The following SRP68 variants were observed in gnomAD, a reference collection of about 807,000 sequenced individuals.
SRP68 encodes signal recognition particle subunit SRP68.
SRP68 carries 15 observed loss-of-function variants against 82.2 expected under a neutral mutation model. The observed-to-expected ratio is 0.18, with a 90% CI of 0.12 to 0.28. The LOEUF is 0.28. Ranked by LOEUF, SRP68 falls within the 10% of genes least tolerant of loss-of-function variation. The pLI, the probability that SRP68 is intolerant of heterozygous loss-of-function variation, is 1.00. For synonymous variants in SRP68, 261 were observed against 292.6 expected (o/e 0.89, Z 1.10); for missense variants, 595 against 780.5 (o/e 0.76, Z 2.83).
intron 4 of SRP68, among the ~76,000 whole-genome samples, chr17:76,061,942 C>T (rs941809171): frequency 2.6e-5 from 4 of 151,654 alleles, no homozygotes; most frequent in African/African-American, 4.8e-5. Flanking sequence ...AGTTCAAGAT[C>T]GGCCTGGGCA....
chr17:76,063,456 C>A (rs758129255), intron 4 of SRP68, among the ~76,000 whole-genome samples: 31 of 152,224 alleles, frequency 2.0e-4, no homozygotes, highest in Middle Eastern at 3.4e-3. Context: ...GAGGTCAAGG[C>A]AGGTGGGTGG....
chr17:76,046,303 G>A, intron 10 of SRP68, 109 bp from the exon 11 acceptor site: 10 of 1,272,354 alleles, frequency 7.9e-6, no homozygotes, highest in Non-Finnish European at 1.0e-5. Context: ...GCGGGTGGGG[G>A]CGTGGCCACA....
intron 10 of SRP68, among the ~76,000 whole-genome samples, chr17:76,046,992 C>T (rs1354028996): frequency 6.6e-6 from 1 of 152,106 alleles, no homozygotes; most frequent in Non-Finnish European, 1.5e-5. Flanking sequence ...CCTCTGGTCC[C>T]AGCTACTCAG....
In SRP68 at chr17:76,046,026, C is replaced by T; in HGVS notation, c.1299+12G>A. On this transcript the variant is annotated intron_variant, in intron 11 of 15. Transcript: ENST00000307877. ...ACCACAGGCCCTTGCCTTCCCGGTC[C>T]TCAAGGGTCACCTGTAAGATGATGT... 6.2e-7 allele frequency: 1 copy of T among 1,613,654 alleles called. No homozygotes were observed. Among genetic ancestry groups the T allele is most frequent in the Non-Finnish European group, 8.5e-7 (1 of 1,179,836 alleles).
intron 10 of SRP68, among the ~76,000 whole-genome samples, 185 bp downstream of exon 10, chr17:76,047,721 T>C (rs111611056): frequency 2.7e-3 from 414 of 151,426 alleles, no homozygotes; most frequent in African/African-American, 9.8e-3. Flanking sequence ...CCCAGGCCAT[T>C]GAGGCTGCAG....
At chr17:76,042,342 G>A (rs1391042897) in intron 13 of SRP68, among the ~76,000 whole-genome samples, 3 of 151,794 alleles carry the variant, frequency 2.0e-5, no homozygotes, top group South Asian at 2.1e-4. Context: ...AGTGGCTCAC[G>A]CCTGTAATCC....
intron 2 of SRP68, among the ~76,000 whole-genome samples, 149 bp downstream of exon 2, chr17:76,070,222 CAAAAAAA>C (rs386386662): frequency 2.1e-5 from 2 of 95,514 alleles, no homozygotes; most frequent in Non-Finnish European, 4.2e-5. Context: ...GACTCCATCT[CAAAAAAA>C]AAAAAAAAAA....
intron 8 of SRP68, 129 bp from the exon 9 acceptor site, chr17:76,050,655 C>G: frequency 1.6e-6 from 1 of 618,708 alleles, no homozygotes. Context: ...CACCAGATAT[C>G]ATTTTAATTG....
chr17:76,046,121 G>C lies in SRP68; in HGVS notation c.1216C>G (p.Leu406Val). 6 of 1,613,976 alleles carry C rather than the reference G, an allele frequency of 3.7e-6. No individual in the cohort carries two copies. In the African/African-American group the frequency reaches 5.3e-5, roughly 14 times the overall value. Residue 406 changes from leucine (L) to valine (V), a missense_variant, in exon 11 of 16, where the codon CTG (leucine) becomes GTG (valine). By Grantham distance (32) the Leu-to-Val change is conservative. Around this residue, in one of 2 missense-constraint regions of SRP68, gnomAD observed 495 missense variants for 688.6 expected, o/e 0.72. Coordinates refer to ENST00000307877, the MANE Select transcript of SRP68 (RefSeq NM_014230.4). ...ENMAKGLQRALLQQQPEDDSK... is the reference protein window; with the variant it reads ...ENMAKGLQRAVLQQQPEDDSK... ...TCATCCTCTGGCTGCTGCTGCAGCA[G>C]AGCCCTCTGCAGACCTTTGGCCATG...
Position 76,072,505 on chromosome 17 carries a change from C to G in SRP68, c.-14G>C. The G allele has an allele frequency of 6.3e-7, 1 of 1,580,586 alleles. No homozygotes were observed. The highest frequency in any genetic ancestry group is 8.5e-7 in the Non-Finnish European group (1 of 1,172,552). On this transcript the variant is annotated 5_prime_UTR_variant, in exon 1 of 16. Transcript: ENST00000307877. This position sits in a 1 kb window ranked among gnomAD's most constrained non-coding sequence, Gnocchi z 4.5. ...CTCAGCAGCCATCTTGCCCCTGCGCCGCAGAGCAAGACGGGATAGGGGAGG... is the reference window on the plus strand; with the variant it reads ...CTCAGCAGCCATCTTGCCCCTGCGCGGCAGAGCAAGACGGGATAGGGGAGG...
At chr17:76,045,258 G>T in intron 12 of SRP68, 34 bp downstream of exon 12, 1 of 1,542,736 alleles carries the variant, frequency 6.5e-7, no homozygotes, top group Non-Finnish European at 9.0e-7. Flanking sequence ...AACCTGGGAG[G>T]CGGAGGAAAA....
chr17:76,051,751 G>A (rs1275094602), intron 8 of SRP68, among the ~76,000 whole-genome samples: 1 of 152,118 alleles, frequency 6.6e-6, no homozygotes, highest in Admixed American at 6.6e-5. Flanking sequence ...GCTCATTCAT[G>A]CTATAAATCT....
rs758699290 is a variant in SRP68 at position 76,040,443 on chromosome 17, G to A, written c.1632C>T (p.Ser544=). 1.7e-5 allele frequency: 27 copies of A among 1,614,064 alleles called. No individual in the cohort carries two copies. The African/African-American group carries it at 1.9e-4, about 11-fold the overall frequency. Residue 544 remains serine (S), a synonymous_variant, in exon 15 of 16, where the codon TCC becomes TCT. Transcript: ENST00000307877. ...DANDAHQTET[S]SSQVKDNKPL... is the part of the protein sequence containing the mutation. The stretch of plus-strand genomic sequence containing the variant: ...CCTTATTGTCCTTGACTTGGGAGGA[G>A]GAGGTCTCTGTTTGATGAGCGTCGT...
chr17:76,041,511 C>A (rs973221714), intron 13 of SRP68: 1 of 152,492 alleles, frequency 6.6e-6, no homozygotes, highest in African/African-American at 2.4e-5. Context: ...TTGGGAATGA[C>A]CTGAGAAGGT....
intron 8 of SRP68, among the ~76,000 whole-genome samples, chr17:76,055,811 T>C (rs1271364170): frequency 4.3e-4 from 63 of 145,342 alleles, no homozygotes; most frequent in African/African-American, 1.5e-3. Flanking sequence ...TTTCTTCTTT[T>C]TTTTTTTTTT....
Position 76,057,449 on chromosome 17 carries a change from C to A in SRP68, c.932G>T (p.Arg311Leu). The change falls in exon 8 of 16, where the codon CGC becomes CTC. Residue 311 changes from arginine to leucine, a missense_variant. Arg to Leu is a moderately radical substitution (Grantham distance 102). Transcript: ENST00000307877. ...RTVPVKIDKV[R>L]IFLLGLADNE... Reference sequence around the variant, plus strand: ...ATCAGCCAGTCCTAATAAGAAAATGCGCACTTTGTCAATCTTCACTGGAAC... The same window carrying A: ...ATCAGCCAGTCCTAATAAGAAAATGAGCACTTTGTCAATCTTCACTGGAAC... 6.2e-7 allele frequency: 1 copy of A among 1,614,168 alleles called. No individual in the cohort carries two copies. Among genetic ancestry groups the A allele is most frequent in the East Asian group, 2.2e-5 (1 of 44,880 alleles).
chr17:76,063,470 A>C (rs1315931424), intron 4 of SRP68, among the ~76,000 whole-genome samples: 1 of 152,100 alleles, frequency 6.6e-6, no homozygotes, highest in Non-Finnish European at 1.5e-5. Flanking sequence ...TGGGTGGATC[A>C]CGAGGTCAGG....
chr17:76,045,333 C>G lies in SRP68; in HGVS notation c.1353G>C (p.Gln451His). 6.2e-7 allele frequency: 1 copy of G among 1,613,914 alleles called. No individual in the cohort carries two copies. Among genetic ancestry groups the G allele is most frequent in the Non-Finnish European group, 8.5e-7 (1 of 1,179,842 alleles). ...CCAGAGTCTTGAGGCCTATCTCTTT[C>G]TGGAAGGCTTTGTCTTCCTCTAAAC... Reference protein sequence around the residue: ...LPGLEEDKAFQKEIGLKTLVF... With the variant: ...LPGLEEDKAFHKEIGLKTLVF... The change falls in exon 12 of 16, where the codon CAG (glutamine) becomes CAC (histidine). Residue 451 changes from glutamine to histidine, a missense_variant. By Grantham distance (24) the Gln-to-His change is conservative. Transcript: ENST00000307877.
Position 76,039,314 on chromosome 17 carries a change from A to T in SRP68, c.*392T>A, listed in dbSNP as rs1305371253. 1 of 465,924 alleles carries T rather than the reference A, an allele frequency of 2.1e-6. No homozygotes were observed. Among genetic ancestry groups the T allele is most frequent in the Non-Finnish European group, 4.3e-6 (1 of 233,518 alleles). The allele number at this position is 465,924 out of a possible 1,614,324, so 28.9% of individuals were successfully genotyped here. ...TCAAGGGCTCCTGGATGCTCACAGCAAGGATGAGTTCATTTCAAATCCATG... is the reference window on the plus strand; with the variant it reads ...TCAAGGGCTCCTGGATGCTCACAGCTAGGATGAGTTCATTTCAAATCCATG... On this transcript the variant is annotated 3_prime_UTR_variant, in exon 16 of 16. Coordinates refer to ENST00000307877, the MANE Select transcript of SRP68 (RefSeq NM_014230.4).
Sources: allele counts gnomAD v4.1 joint callset (sites outside exome capture counted in the v4.1 genomes callset), GRCh38; gene constraint gnomAD v4.1.1; regional missense constraint gnomAD v4.1.1; non-coding constraint Gnocchi (gnomAD v3.1); transcripts MANE v1.5; gene names NCBI Gene and HGNC (gene_info 2026-07-23, HGNC 2026-07-21).